TRIM2: variants seen among roughly 807,000 people sequenced by gnomAD.
TRIM2 encodes tripartite motif-containing protein 2.
A neutral mutation model predicts 75.2 loss-of-function variants in TRIM2; 20 were observed. The observed-to-expected ratio is 0.27, with a 90% CI of 0.19 to 0.39. The LOEUF (loss-of-function observed/expected upper bound fraction) is 0.39. TRIM2 is among the 10% of genes least tolerant of loss of function. The probability of loss-of-function intolerance (pLI) is 1.00; values close to 1 mark genes in which losing one functional copy is unlikely to be tolerated. For synonymous variants in TRIM2, 373 were observed against 388.3 expected (o/e 0.96, Z 0.46); for missense variants, 660 against 990.8 (o/e 0.67, Z 4.48).
At chr4:153,315,635 T>A (rs780563918) in intron 7 of TRIM2, 47 bp downstream of exon 7, 5 of 1,485,408 alleles carry the variant, frequency 3.4e-6, no homozygotes, top group Non-Finnish European at 4.6e-6. Flanking sequence ...TTGATAAAAA[T>A]ATATATAGTT....
chr4:153,240,029 T>G (rs1337748547), intron 1 of TRIM2, among the ~76,000 whole-genome samples: 1 of 151,996 alleles, frequency 6.6e-6, no homozygotes, highest in African/African-American at 2.4e-5. Flanking sequence ...AGAGAGGGTT[T>G]CACCATGTTG....
chr4:153,301,055 G>A (rs1453668217), intron 6 of TRIM2, among the ~76,000 whole-genome samples: 1 of 151,888 alleles, frequency 6.6e-6, no homozygotes, highest in African/African-American at 2.4e-5. Context: ...GCCAGGTGTG[G>A]TGGCAAATGC....
At chr4:153,154,998 G>A (rs62325504) in intron 1 of TRIM2, among the ~76,000 whole-genome samples, 45,920 of 152,004 alleles carry the variant, frequency 0.3, 7,201 homozygotes, top group Non-Finnish European at 0.36. Context: ...AAAATAGCCA[G>A]GCGTAATGGT....
At chr4:153,193,416 C>A (rs1733436129) in intron 1 of TRIM2, among the ~76,000 whole-genome samples, 2 of 152,176 alleles carry the variant, frequency 1.3e-5, no homozygotes, top group South Asian at 4.1e-4. Context: ...CAGGCATGAG[C>A]CACCGCGCCT....
rs779994895 is a variant in TRIM2 at position 153,328,557 on chromosome 4, T to C, written c.2050T>C (p.Leu684=). ...KVFNQEGEFM[L]KFGSNGEGNG... ...GTTTAATCAGGAAGGAGAATTCATG[T>C]TGAAGTTTGGCTCAAATGGAGAAGG... The change falls in exon 11 of 12, where the codon TTG becomes CTG. Residue 684 remains leucine (L), a synonymous_variant. Coordinates refer to ENST00000338700, the MANE Select transcript of TRIM2 (RefSeq NM_015271.5). The C allele has an allele frequency of 6.2e-7, 1 of 1,612,992 alleles. No homozygotes were observed. The highest frequency in any genetic ancestry group is 8.5e-7 in the Non-Finnish European group (1 of 1,179,580).
chr4:153,309,986 C>T (rs1486256170), intron 6 of TRIM2: 1 of 151,968 alleles, frequency 6.6e-6, no homozygotes, highest in Non-Finnish European at 1.5e-5. Context: ...ATTTATTGAT[C>T]CCCTATTTCA....
rs1264478148 is a variant in TRIM2 at position 153,335,053 on chromosome 4, T to G, written c.*87T>G. 1 of 1,346,332 alleles carries G rather than the reference T, an allele frequency of 7.4e-7. No homozygotes were observed. Among genetic ancestry groups the G allele is most frequent in the Non-Finnish European group, 9.7e-7 (1 of 1,035,620 alleles). The allele number at this position is 1,346,332 out of a possible 1,614,324, so 83.4% of individuals were successfully genotyped here. On this transcript the variant is annotated 3_prime_UTR_variant, in exon 12 of 12. Coordinates refer to ENST00000338700, the MANE Select transcript of TRIM2 (RefSeq NM_015271.5). Reference sequence around the variant, plus strand: ...ATGCGGGACCAGATTATGACTAGAGTTTTTATGCCAGAAGGAATCATTGGT... The same window carrying G: ...ATGCGGGACCAGATTATGACTAGAGGTTTTATGCCAGAAGGAATCATTGGT...
intron 1 of TRIM2, among the ~76,000 whole-genome samples, chr4:153,171,115 C>T (rs1215048986): frequency 6.6e-6 from 1 of 152,152 alleles, no homozygotes; most frequent in Non-Finnish European, 1.5e-5. Flanking sequence ...CCCAAGAGTT[C>T]GTTGAATCAG....
At chr4:153,211,475 G>GTTTTTT in intron 1 of TRIM2, among the ~76,000 whole-genome samples, 1 of 147,200 alleles carries the variant, frequency 6.8e-6, no homozygotes, top group East Asian at 2.0e-4. Flanking sequence ...TTGCTTTTTT[G>GTTTTTT]TTTTTTCTTT....
intron 1 of TRIM2, among the ~76,000 whole-genome samples, chr4:153,260,718 ACACACACAT>A (rs1753293731): frequency 1.2e-5 from 1 of 83,760 alleles, no homozygotes; most frequent in African/African-American, 4.7e-5. Context: ...ACACACACAC[ACACACACAT>A]CATCATCATC....
chr4:153,240,933 T>G (rs1746393062), intron 1 of TRIM2, among the ~76,000 whole-genome samples: 2 of 152,076 alleles, frequency 1.3e-5, no homozygotes, highest in African/African-American at 4.8e-5. Context: ...AAAAATTAGC[T>G]GGGCGTGGTG....
At chr4:153,326,216 T>G (rs1293350570) in intron 10 of TRIM2, among the ~76,000 whole-genome samples, 1 of 152,234 alleles carries the variant, frequency 6.6e-6, no homozygotes, top group Non-Finnish European at 1.5e-5. Context: ...TTTAAGTAAT[T>G]AAATGGCATT....
rs1772480858 is a variant in TRIM2 at position 153,336,594 on chromosome 4, GGGTCT to G, written c.*1629_*1633del. The G allele has an allele frequency of 1.0e-6, 1 of 985,478 alleles. No individual in the cohort carries two copies. Among genetic ancestry groups the G allele is most frequent in the Non-Finnish European group, 1.2e-6 (1 of 829,898 alleles). The allele number at this position is 985,478 out of a possible 1,614,324, so 61.0% of individuals were successfully genotyped here. A position where few individuals can be genotyped will look rare whatever the true frequency, so the allele number is the denominator to read the frequency against. ...TTTGACATTTTTGATAGTGACTTTG[GGGTCT>G]TCTTCACTGAAAGCACCTTAGAACT... On this transcript the variant is annotated 3_prime_UTR_variant, in exon 12 of 12. Coordinates refer to ENST00000338700, the MANE Select transcript of TRIM2 (RefSeq NM_015271.5).
intron 8 of TRIM2, among the ~76,000 whole-genome samples, chr4:153,319,583 A>T (rs112337040): frequency 1.1e-3 from 173 of 152,124 alleles, no homozygotes; most frequent in African/African-American, 3.6e-3. Context: ...ACAAAAAATT[A>T]TCTGGGCATG....
intron 1 of TRIM2, among the ~76,000 whole-genome samples, chr4:153,221,845 C>T (rs1171354162): frequency 3.5e-4 from 18 of 51,376 alleles, no homozygotes; most frequent in East Asian, 2.1e-3. Context: ...GGAAGGAAAG[C>T]GCGAGGAAAG....
At chr4:153,219,448 C>T (rs1739371877) in intron 1 of TRIM2, among the ~76,000 whole-genome samples, 1 of 152,202 alleles carries the variant, frequency 6.6e-6, no homozygotes. Flanking sequence ...CAAAAGAATT[C>T]CACCTTTTCA....
chr4:153,299,531 G>A (rs1229149214), intron 6 of TRIM2, among the ~76,000 whole-genome samples: 1 of 152,128 alleles, frequency 6.6e-6, no homozygotes, highest in Non-Finnish European at 1.5e-5. Flanking sequence ...AGTTTCTTTA[G>A]ATATGTTAGA....
chr4:153,188,787 A>G (rs1732883816), intron 1 of TRIM2, among the ~76,000 whole-genome samples: 1 of 152,124 alleles, frequency 6.6e-6, no homozygotes, highest in Non-Finnish European at 1.5e-5. Flanking sequence ...ACAGTCATCC[A>G]AATCATTTTC....
At chr4:153,312,135 A>T (rs1356361547) in intron 6 of TRIM2, among the ~76,000 whole-genome samples, 16 of 142,034 alleles carry the variant, frequency 1.1e-4, no homozygotes, top group African/African-American at 2.9e-4. Flanking sequence ...TCATTGTTCA[A>T]TTCCCACCTG....
Sources: allele counts gnomAD v4.1 joint callset (sites outside exome capture counted in the v4.1 genomes callset), GRCh38; gene constraint gnomAD v4.1.1; transcripts MANE v1.5; gene names NCBI Gene and HGNC (gene_info 2026-07-23, HGNC 2026-07-21).